Variants in SREBF1 observed in about 807,000 individuals in gnomAD.
SREBF1 encodes the protein sterol regulatory element-binding protein 1.
In SREBF1, 45 loss-of-function variants were observed where a neutral mutation model predicts 100.1. That is an observed-to-expected ratio of 0.45 (90% CI 0.35 to 0.58). The LOEUF (loss-of-function observed/expected upper bound fraction) is 0.58. Ranked by LOEUF, SREBF1 falls within the 20% of genes least tolerant of loss-of-function variation. SREBF1 has a pLI of 0.00. For synonymous variants in SREBF1, 657 were observed against 681.8 expected, an observed-to-expected ratio of 0.96 and a Z score of 0.57; for missense variants, 1,324 against 1,539.4, an observed-to-expected ratio of 0.86 and a Z score of 2.34.
At chr17:17,815,120 G>T (rs906766428) in intron 13 of SREBF1, 101 bp downstream of exon 13, 1 of 1,307,980 alleles carries the variant, frequency 7.6e-7, no homozygotes, top group Non-Finnish European at 1.1e-6. Flanking sequence ...TGGCACGCAC[G>T]GTAGCCCAGC....
At chr17:17,819,494 G>A (rs1363497017) in intron 3 of SREBF1, 40 bp from the exon 4 acceptor site, 1 of 1,613,438 alleles carries the variant, frequency 6.2e-7, no homozygotes, top group African/African-American at 1.3e-5. Context: ...TGTGTGTCTG[G>A]GCTGGGGCTG....
intron 1 of SREBF1, among the ~76,000 whole-genome samples, chr17:17,825,406 G>T (rs550686227): frequency 6.6e-6 from 1 of 151,300 alleles, no homozygotes; most frequent in East Asian, 2.0e-4. Context: ...GGGGTGGGGC[G>T]GGGGGGGCCT....
chr17:17,814,000 A>G, intron 16 of SREBF1: 1 of 660,440 alleles, frequency 1.5e-6, no homozygotes, highest in Admixed American at 2.8e-5. Flanking sequence ...CAGGGCCTCC[A>G]AAGGGATCCT....
In SREBF1 at chr17:17,836,777, G is replaced by T. The variant is rs538322672; in HGVS notation, c.41C>A (p.Ala14Glu). The T allele has an allele frequency of 6.1e-5, 96 of 1,566,094 alleles. No individual in the cohort carries two copies. In the South Asian group the frequency reaches 1.1e-3, roughly 18 times the overall value. The change falls in exon 1 of 19, where the codon GCG becomes GAG. Residue 14 changes from alanine to glutamate, a missense_variant. Coordinates refer to ENST00000261646, the MANE Select transcript of SREBF1 (RefSeq NM_004176.5). The stretch of plus-strand genomic sequence containing the variant: ...GTCCAGATCGCACGGCTCGCCCAGC[G>T]CCTGCTCCAAAGCCGCCTCGCTGAA... ...PPFSEAALEQ[A>E]LGEPCDLDAA...
rs566512166 is a variant in SREBF1 at position 17,817,200 on chromosome 17, C to T, written c.1606+56G>A. 5.8e-5 allele frequency: 94 copies of T among 1,610,970 alleles called. No individual in the cohort carries two copies. The highest frequency in any genetic ancestry group is 7.8e-5 in the Non-Finnish European group (92 of 1,179,064). On this transcript the variant is annotated intron_variant, in intron 8 of 18. Coordinates refer to ENST00000261646, the MANE Select transcript of SREBF1 (RefSeq NM_004176.5). This position sits in a 1 kb window ranked among gnomAD's most constrained non-coding sequence, Gnocchi z 6.6. ...AAATCCAGAGCCCCAAGTTCACAAG[C>T]CTGGGGGCTCACCCCGAGTGTCCCT...
chr17:17,819,420 G>A lies in SREBF1; in HGVS notation c.746C>T (p.Ser249Leu), dbSNP rs779049810. ...LLQPHFIKAD[S>L]LLLTAMKTDG... ...TGTCTTCATGGCTGTCAGAAGCAGC[G>A]AGTCTGCCTTGATGAAGTGGGGCTG... The change falls in exon 4 of 19, where the codon TCG (serine) becomes TTG (leucine). Residue 249 changes from serine (S) to leucine (L), a missense_variant. Transcript: ENST00000261646. 4 of 1,613,704 alleles carry A rather than the reference G, an allele frequency of 2.5e-6. No individual in the cohort carries two copies. Among genetic ancestry groups the A allele is most frequent in the Admixed American group, 1.7e-5 (1 of 60,008 alleles).
Position 17,813,700 on chromosome 17 carries a change from G to A in SREBF1, c.2971C>T (p.Pro991Ser). 1 of 1,538,596 alleles carries A rather than the reference G, an allele frequency of 6.5e-7. No individual in the cohort carries two copies. The highest frequency in any genetic ancestry group is 8.7e-7 in the Non-Finnish European group (1 of 1,148,490). Residue 991 changes from proline to serine, a missense_variant, in exon 17 of 19, where the codon CCG becomes TCG. Coordinates refer to ENST00000261646, the MANE Select transcript of SREBF1 (RefSeq NM_004176.5). ...RTSLWRQQQP[P>S]APAPAAQGTS... Reference sequence around the variant, plus strand: ...CCCTGGGCTGCTGGGGCCGGGGCCGGGGGCTGCTGCTGCCGCCACAGGCTG... The same window carrying A: ...CCCTGGGCTGCTGGGGCCGGGGCCGAGGGCTGCTGCTGCCGCCACAGGCTG...
In SREBF1 at chr17:17,819,219, C is replaced by T. The variant is rs773620604; in HGVS notation, c.862G>A (p.Gly288Arg). ...AGTGGGACTGTTGCCAAGATGGTTC[C>T]GCCACTCACCAGGGTCTGCAGGGCC... ...TGPLPTLVSG[G>R]TILATVPLVV... The change falls in exon 5 of 19, where the codon GGA becomes AGA. Residue 288 changes from glycine to arginine, a missense_variant. By Grantham distance (125) the Gly-to-Arg change is moderately radical. Transcript: ENST00000261646. 4.4e-5 allele frequency: 71 copies of T among 1,613,966 alleles called. No homozygotes were observed. The highest frequency in any genetic ancestry group is 1.6e-4 in the Middle Eastern group (1 of 6,084).
intron 1 of SREBF1, among the ~76,000 whole-genome samples, chr17:17,825,774 G>A (rs1214495774): frequency 6.6e-6 from 1 of 151,914 alleles, no homozygotes; most frequent in Admixed American, 6.6e-5. Flanking sequence ...CACCTGTAAT[G>A]AAATGTAATT....
At chr17:17,823,669 C>G (rs1314110835) in intron 1 of SREBF1, 1 of 1,279,428 alleles carries the variant, frequency 7.8e-7, no homozygotes, top group East Asian at 3.1e-5. Context: ...CCCCGCCCCG[C>G]CCCGCCCCCA....
intron 1 of SREBF1, chr17:17,823,613 A>G (rs1158101199): frequency 6.2e-7 from 1 of 1,609,606 alleles, no homozygotes; most frequent in East Asian, 2.2e-5. Flanking sequence ...TTCACCTGTC[A>G]AGGCGCGGCG....
intron 1 of SREBF1, among the ~76,000 whole-genome samples, chr17:17,828,547 A>AAAC (rs902943047): frequency 3.3e-5 from 5 of 152,316 alleles, no homozygotes; most frequent in Admixed American, 3.3e-4. Context: ...TGGCAGCTGA[A>AAAC]AACAACCCAC....
Position 17,812,359 on chromosome 17 carries a change from G to A in SREBF1, c.*263C>T, listed in dbSNP as rs1284958809. The A allele has an allele frequency of 5.2e-6, 3 of 578,318 alleles. No homozygotes were observed. 35.8% of individuals were successfully genotyped at this position (578,318 alleles called of 1,614,324 possible). On this transcript the variant is annotated 3_prime_UTR_variant, in exon 19 of 19. Transcript: ENST00000261646. ...AGCCACTAAGGTGCCTGCAGAGCAA[G>A]GAGGGGGGCCCCCCAAAATGGCTCG...
chr17:17,817,022 G>A lies in SREBF1; in HGVS notation c.1721C>T (p.Pro574Leu), dbSNP rs753117423. 1 of 1,613,142 alleles carries A rather than the reference G, an allele frequency of 6.2e-7. No homozygotes were observed. The highest frequency in any genetic ancestry group is 1.1e-5 in the South Asian group (1 of 91,090). The change falls in exon 9 of 19, where the codon CCC (proline) becomes CTC (leucine). Residue 574 changes from proline to leucine, a missense_variant. Coordinates refer to ENST00000261646, the MANE Select transcript of SREBF1 (RefSeq NM_004176.5). The surrounding 1 kb of genome is among the most constrained non-coding windows in gnomAD (Gnocchi z 6.6). ...LFVYGEPVTRPHSGPAVYFWR... is the reference protein window; with the variant it reads ...LFVYGEPVTRLHSGPAVYFWR... ...GAAGTACACGGCGGGGCCTGAGTGG[G>A]GCCGTGTGACTGGCTCACCGTAGAC...
chr17:17,820,099 A>G lies in SREBF1; in HGVS notation c.514T>C (p.Phe172Leu). The change falls in exon 2 of 19, where the codon TTC (phenylalanine) becomes CTC (leucine). Residue 172 changes from phenylalanine (F) to leucine (L), a missense_variant. By Grantham distance (22) the Phe-to-Leu change is conservative. Coordinates refer to ENST00000261646, the MANE Select transcript of SREBF1 (RefSeq NM_004176.5). Reference protein sequence around the residue: ...VLGYPSPPGGFSTGSPPGNTQ... With the variant: ...VLGYPSPPGGLSTGSPPGNTQ... ...CACACATCCCCCTTACCTGTAGAGA[A>G]GCCTCCCGGAGGGCTGGGGTAGCCT... 2 of 1,611,550 alleles carry G rather than the reference A, an allele frequency of 1.2e-6. No individual in the cohort carries two copies. The highest frequency in any genetic ancestry group is 1.7e-6 in the Non-Finnish European group (2 of 1,179,516).
chr17:17,829,806 A>G (rs1447754490), intron 1 of SREBF1, among the ~76,000 whole-genome samples: 1 of 151,916 alleles, frequency 6.6e-6, no homozygotes, highest in African/African-American at 2.4e-5. Context: ...ACACTCCACC[A>G]TGCCAAGCTA....
intron 9 of SREBF1, 40 bp from the exon 10 acceptor site, chr17:17,816,758 G>T: frequency 6.4e-7 from 1 of 1,566,708 alleles, no homozygotes; most frequent in South Asian, 1.2e-5. Flanking sequence ...AGTGAGGTCA[G>T]AGCAGCTGCC....
intron 1 of SREBF1, chr17:17,823,537 G>A (rs1394601056): frequency 1.9e-6 from 3 of 1,613,098 alleles, no homozygotes; most frequent in African/African-American, 2.7e-5. Flanking sequence ...TGCAATCCAT[G>A]GCTCCGCGAT....
At position 17,817,052 on chromosome 17, in the gene SREBF1, A is replaced by G; in HGVS notation, c.1691T>C (p.Leu564Pro). The G allele has an allele frequency of 6.2e-7, 1 of 1,613,142 alleles. No homozygotes were observed. Among genetic ancestry groups the G allele is most frequent in the Non-Finnish European group, 8.5e-7 (1 of 1,180,024 alleles). Residue 564 changes from leucine to proline, a missense_variant, in exon 9 of 19, where the codon CTC becomes CCC. By Grantham distance (98) the Leu-to-Pro change is moderately conservative. Transcript: ENST00000261646. The surrounding 1 kb of genome is among the most constrained non-coding windows in gnomAD (Gnocchi z 6.6). The part of the protein sequence containing the change: ...GLLVLVSLVL[L>P]FVYGEPVTRP... ...TGTGACTGGCTCACCGTAGACAAAG[A>G]GAAGCACCAAGGAGACGAGCACCAA...
Sources: gnomAD v4.1 joint callset for allele counts (sites outside exome capture counted in the v4.1 genomes callset) on GRCh38, gnomAD v4.1.1 for gene constraint, Gnocchi (gnomAD v3.1) non-coding constraint, MANE v1.5 for transcripts, NCBI Gene and HGNC (gene_info 2026-07-23, HGNC 2026-07-21) for gene names.